Variants in CPD observed in about 807,000 individuals in gnomAD.
CPD encodes metallocarboxypeptidase D.
A neutral mutation model predicts 138.3 loss-of-function variants in CPD; 69 were observed. The ratio of observed to expected loss-of-function variants is 0.50; its 90% CI spans 0.41 to 0.61. The LOEUF is 0.61. CPD is among the 20% of genes least tolerant of loss of function. CPD has a pLI of 0.00. For missense variants in CPD, 1,432 were observed against 1,733.3 expected (o/e 0.83, Z 3.09); for synonymous variants, 651 against 642.1 (o/e 1.01, Z -0.21).
At chr17:30,459,270 G>A (rs1036725704) in intron 17 of CPD, among the ~76,000 whole-genome samples, 3 of 147,244 alleles carry the variant, frequency 2.0e-5, no homozygotes, top group Non-Finnish European at 4.5e-5. Flanking sequence ...GGGTACATGT[G>A]CACAACGTGC....
At chr17:30,428,004 C>T (rs1236165348) in intron 7 of CPD, among the ~76,000 whole-genome samples, 1 of 151,940 alleles carries the variant, frequency 6.6e-6, no homozygotes, top group Non-Finnish European at 1.5e-5. Flanking sequence ...ACATTGGGAA[C>T]TTGGTAACAT....
chr17:30,445,406 A>G lies in CPD; in HGVS notation c.2544-285A>G, dbSNP rs373187246. Among the ~76,000 whole-genome samples the G allele has an allele frequency of 4.9e-4, 75 of 152,286 alleles. 1 individual carries two copies. Among genetic ancestry groups the G allele is most frequent in the African/African-American group, 1.6e-3 (67 of 41,552 alleles). On this transcript the variant is annotated intron_variant, in intron 11 of 20. Coordinates refer to ENST00000225719, the MANE Select transcript of CPD (RefSeq NM_001304.5). ...CTTGAACCCAGGAGGCGGAGGTTGC[A>G]GTGAACTGAGATGGTGCCACTGCAC...
In CPD at chr17:30,466,358, A is replaced by G. The variant is rs537093059; in HGVS notation, c.*1544A>G. 2.6e-5 allele frequency: 4 copies of G among 152,712 alleles called. No individual in the cohort carries two copies. Among genetic ancestry groups the G allele is most frequent in the East Asian group, 3.9e-4 (2 of 5,192 alleles). The allele number at this position is 152,712 out of a possible 1,614,324, so 9.5% of individuals were successfully genotyped here. ...GTTTACCACCTTCCTAGGTCGTTCA[A>G]CCAGGTTTTGTGAGGAATGCATTCA... On this transcript the variant is annotated 3_prime_UTR_variant, in exon 21 of 21. Coordinates refer to ENST00000225719, the MANE Select transcript of CPD (RefSeq NM_001304.5).
intron 2 of CPD, among the ~76,000 whole-genome samples, chr17:30,417,740 T>C (rs1417914029): frequency 1.3e-5 from 2 of 152,194 alleles, no homozygotes; most frequent in African/African-American, 2.4e-5. Flanking sequence ...GCTTTTTGCT[T>C]CCAATCCCCC....
intron 2 of CPD, among the ~76,000 whole-genome samples, chr17:30,398,186 C>A (rs186415102): frequency 4.4e-4 from 66 of 151,720 alleles, no homozygotes; most frequent in African/African-American, 1.3e-3. Context: ...GTTTATATAA[C>A]CCCCTGAGAG....
At position 30,438,999 on chromosome 17, in the gene CPD, A is replaced by G. The variant is rs1297850786; in HGVS notation, c.2152A>G (p.Arg718Gly). The G allele has an allele frequency of 6.3e-7, 1 of 1,582,442 alleles. No homozygotes were observed. Among genetic ancestry groups the G allele is most frequent in the Admixed American group, 1.9e-5 (1 of 51,856 alleles). ...SKENSQMFQG[R>G]PCKNMYPNEY... The stretch of plus-strand genomic sequence containing the variant: ...GGAAAATTCCCAGATGTTTCAAGGT[A>G]GACCTTGCAAGAATATGTATCCTAA... Residue 718 changes from arginine (R) to glycine (G), a missense_variant, in exon 9 of 21, where the codon AGA (arginine) becomes GGA (glycine). Around this residue, in one of 6 missense-constraint regions of CPD, gnomAD observed 297 missense variants for 405.3 expected, o/e 0.73. Transcript: ENST00000225719.
Position 30,466,000 on chromosome 17 carries a change from A to AGTAT in CPD, c.*1187_*1190dup, listed in dbSNP as rs1386907588. On this transcript the variant is annotated 3_prime_UTR_variant, in exon 21 of 21. Transcript: ENST00000225719. ...CTAAAAGTTCAGTCGAAAGCTTTTA[A>AGTAT]GTATAGCTTCCTCCCTTGAAAAAAA... 1 of 152,372 alleles carries AGTAT rather than the reference A, an allele frequency of 6.6e-6. No homozygotes were observed. Among genetic ancestry groups the AGTAT allele is most frequent in the Non-Finnish European group, 1.5e-5 (1 of 68,022 alleles). 9.4% of individuals were successfully genotyped at this position (152,372 alleles called of 1,614,324 possible).
chr17:30,431,495 T>C (rs1259694071), intron 7 of CPD, among the ~76,000 whole-genome samples: 1 of 152,240 alleles, frequency 6.6e-6, no homozygotes, highest in Non-Finnish European at 1.5e-5. Context: ...TTGCTAGTCC[T>C]TTCCGTATTG....
At chr17:30,400,652 CTTTTTTTTTTTTT>C (rs34301387) in intron 2 of CPD, among the ~76,000 whole-genome samples, 1 of 57,578 alleles carries the variant, frequency 1.7e-5, no homozygotes, top group Non-Finnish European at 3.0e-5. Context: ...TGCCATCATT[CTTTTTTTTTTTTT>C]TTTTTTTTTT....
At chr17:30,418,225 G>A (rs890846735) in intron 2 of CPD, among the ~76,000 whole-genome samples, 2 of 151,378 alleles carry the variant, frequency 1.3e-5, no homozygotes, top group African/African-American at 2.4e-5. Context: ...TTGTTACCCA[G>A]ACTGGAGTGC....
chr17:30,462,547 CAT>C (rs1475181881), intron 20 of CPD, 78 bp downstream of exon 20: 21 of 912,224 alleles, frequency 2.3e-5, no homozygotes, highest in Middle Eastern at 2.3e-4. Flanking sequence ...TCACCTCTCT[CAT>C]ATTGATCCTG....
intron 2 of CPD, among the ~76,000 whole-genome samples, chr17:30,401,381 C>CTTCTCT (rs1567868925): frequency 6.7e-6 from 1 of 148,258 alleles, no homozygotes; most frequent in African/African-American, 2.5e-5. Context: ...CCTCTTCTTC[C>CTTCTCT]TCCTCTTCCT....
At chr17:30,461,119 G>A (rs540462575) in intron 17 of CPD, 61 bp from the exon 18 acceptor site, 8 of 1,348,284 alleles carry the variant, frequency 5.9e-6, no homozygotes, top group African/African-American at 5.9e-5. Context: ...GTATTACAAA[G>A]CCTTATTCTT....
At chr17:30,452,605 G>A (rs1024166806) in intron 14 of CPD, among the ~76,000 whole-genome samples, 3 of 145,140 alleles carry the variant, frequency 2.1e-5, no homozygotes, top group South Asian at 2.3e-4. Flanking sequence ...AGTATGCCAT[G>A]AATCTATGAC....
chr17:30,440,621 T>C (rs879504119), intron 9 of CPD, among the ~76,000 whole-genome samples: 1 of 149,438 alleles, frequency 6.7e-6, no homozygotes, highest in Non-Finnish European at 1.5e-5. Flanking sequence ...TTCAGCTTTC[T>C]ACATATGGCT....
chr17:30,468,651 A>T lies in CPD; in HGVS notation c.*3837A>T, dbSNP rs957281480. ...CTGTTTTTTATATGTAAACAGATCT[A>T]CTAATCCTGTATAAAAGTTATTTTA... On this transcript the variant is annotated 3_prime_UTR_variant, in exon 21 of 21. Coordinates refer to ENST00000225719, the MANE Select transcript of CPD (RefSeq NM_001304.5). 1 of 152,620 alleles carries T rather than the reference A, an allele frequency of 6.6e-6. No homozygotes were observed. Among genetic ancestry groups the T allele is most frequent in the African/African-American group, 2.4e-5 (1 of 41,448 alleles). The allele number at this position is 152,620 out of a possible 1,614,324, so 9.5% of individuals were successfully genotyped here. A position where few individuals can be genotyped will look rare whatever the true frequency, so the allele number is the denominator to read the frequency against.
At chr17:30,464,087 A>G (rs1321419268) in intron 20 of CPD, among the ~76,000 whole-genome samples, 2 of 152,150 alleles carry the variant, frequency 1.3e-5, no homozygotes, top group Non-Finnish European at 2.9e-5. Flanking sequence ...ATGTACGTGC[A>G]TATGCATAAA....
At chr17:30,457,458 G>C (rs947564749) in intron 17 of CPD, among the ~76,000 whole-genome samples, 4 of 152,152 alleles carry the variant, frequency 2.6e-5, no homozygotes, top group African/African-American at 9.7e-5. Flanking sequence ...GTGCTGCCAT[G>C]AACATTGGTA....
intron 6 of CPD, among the ~76,000 whole-genome samples, chr17:30,426,560 T>C (rs1912413800): frequency 6.6e-6 from 1 of 152,180 alleles, no homozygotes. Context: ...TTGTCAGAAA[T>C]GCAAAAGTCA....
Sources: gnomAD v4.1 joint callset for allele counts (sites outside exome capture counted in the v4.1 genomes callset) on GRCh38, gnomAD v4.1.1 for gene constraint, gnomAD v4.1.1 regional missense constraint, MANE v1.5 for transcripts, NCBI Gene and HGNC (gene_info 2026-07-23, HGNC 2026-07-21) for gene names.